Variants in TMEM229B observed in about 807,000 individuals in gnomAD.
The protein encoded by TMEM229B is chromosome 14 open reading frame 83.
TMEM229B carries 6 observed loss-of-function variants against 13.7 expected under a neutral mutation model. The observed-to-expected ratio is 0.44, with a 90% CI of 0.24 to 0.86. The LOEUF (loss-of-function observed/expected upper bound fraction) is 0.86. TMEM229B is among the 40% of genes least tolerant of loss of function. The probability of loss-of-function intolerance (pLI) is 0.23; values close to 1 mark genes in which losing one functional copy is unlikely to be tolerated. For synonymous variants in TMEM229B, 107 were observed against 102.1 expected, an observed-to-expected ratio of 1.05 and a Z score of -0.29; for missense variants, 170 against 236.0, an observed-to-expected ratio of 0.72 and a Z score of 1.83.
intron 1 of TMEM229B, among the ~76,000 whole-genome samples, chr14:67,529,244 G>C (rs116720916): frequency 0.03 from 4,507 of 152,122 alleles, 216 homozygotes; most frequent in African/African-American, 0.1. Flanking sequence ...GCTCTCTCTG[G>C]CTCCCATACC....
chr14:67,513,204 G>C (rs1165869487), intron 1 of TMEM229B, among the ~76,000 whole-genome samples: 1 of 152,198 alleles, frequency 6.6e-6, no homozygotes, highest in Non-Finnish European at 1.5e-5. Context: ...GAGGCTCGGA[G>C]GTCAGGCCTC....
In TMEM229B at chr14:67,533,413, C is replaced by G. The variant is rs985828717; in HGVS notation, c.-192+223G>C. Reference sequence around the variant, plus strand: ...GCTCGCTGGAGGTGAGCGACCCGCGCTCCCGCCGCTGTGGTGGGCTGGGGC... The same window carrying G: ...GCTCGCTGGAGGTGAGCGACCCGCGGTCCCGCCGCTGTGGTGGGCTGGGGC... On this transcript the variant is annotated intron_variant, in intron 1 of 2. Coordinates refer to the TMEM229B transcript ENST00000554278. The G allele has an allele frequency of 1.3e-4, 19 of 151,806 alleles. 1 individual carries two copies. The highest frequency in any genetic ancestry group is 3.6e-4 in the African/African-American group (15 of 41,468). The allele number at this position is 151,806 out of a possible 1,614,324, so 9.4% of individuals were successfully genotyped here.
upstream of TMEM229B, among the ~76,000 whole-genome samples, chr14:67,492,578 G>A (rs1329872412): frequency 6.6e-6 from 1 of 152,178 alleles, no homozygotes; most frequent in Non-Finnish European, 1.5e-5. Context: ...AAGTGATGGG[G>A]ACCCTGCCCC....
chr14:67,482,801 C>G (rs923461681), intron 2 of TMEM229B, among the ~76,000 whole-genome samples: 14 of 152,254 alleles, frequency 9.2e-5, no homozygotes, highest in African/African-American at 2.6e-4. Flanking sequence ...CTGCAGACTT[C>G]CACCCTCTTG....
intron 1 of TMEM229B, among the ~76,000 whole-genome samples, 178 bp from the exon 2 acceptor site, chr14:67,487,350 A>T (rs1319798152): frequency 6.6e-6 from 1 of 152,210 alleles, no homozygotes; most frequent in Non-Finnish European, 1.5e-5. Flanking sequence ...AGGTCTGATT[A>T]ATCCAGCCAC....
chr14:67,482,656 A>G (rs2031653051), intron 2 of TMEM229B, among the ~76,000 whole-genome samples: 1 of 152,204 alleles, frequency 6.6e-6, no homozygotes, highest in African/African-American at 2.4e-5. Flanking sequence ...AAGTGGCTTC[A>G]ATGAGGAAAG....
chr14:67,509,118 A>C (rs1344724673), intron 1 of TMEM229B, among the ~76,000 whole-genome samples: 5 of 152,144 alleles, frequency 3.3e-5, no homozygotes, highest in African/African-American at 7.2e-5. Flanking sequence ...TTGGTTTCAA[A>C]ATGAAATGGG....
At chr14:67,480,932 G>A (rs2031548048) in intron 2 of TMEM229B, among the ~76,000 whole-genome samples, 1 of 152,176 alleles carries the variant, frequency 6.6e-6, no homozygotes, top group East Asian at 1.9e-4. Flanking sequence ...AAAACCCTTG[G>A]AGCAGAAGCA....
intron 1 of TMEM229B, among the ~76,000 whole-genome samples, chr14:67,511,996 G>A (rs1397928264): frequency 6.6e-6 from 1 of 152,230 alleles, no homozygotes; most frequent in Non-Finnish European, 1.5e-5. Context: ...ACAGCTCAAA[G>A]TCTGAGGCAA....
chr14:67,484,676 C>A (rs538982120), intron 2 of TMEM229B, among the ~76,000 whole-genome samples: 1 of 152,224 alleles, frequency 6.6e-6, no homozygotes, highest in South Asian at 2.1e-4. Context: ...GTAATCCCAG[C>A]ATTTTGGGAG....
Position 67,473,339 on chromosome 14 carries a change from T to C in TMEM229B, c.*81A>G. On this transcript the variant is annotated 3_prime_UTR_variant, in exon 3 of 3. Coordinates refer to ENST00000554480, the MANE Select transcript of TMEM229B (RefSeq NM_001348543.2). The surrounding 1 kb of genome is among the most constrained non-coding windows in gnomAD (Gnocchi z 6.5). ...TGGCCGGAGCAGGGCTTTTGCTGCATGGATGGGGCAACCTCACCAGCTTGG... is the reference window on the plus strand; with the variant it reads ...TGGCCGGAGCAGGGCTTTTGCTGCACGGATGGGGCAACCTCACCAGCTTGG... The C allele has an allele frequency of 6.5e-7, 1 of 1,549,686 alleles. No individual in the cohort carries two copies. The highest frequency in any genetic ancestry group is 2.2e-5 in the East Asian group (1 of 44,464).
rs995589299 is a variant in TMEM229B at position 67,487,134 on chromosome 14, C to T, written c.-153G>A. 6.6e-6 allele frequency: 1 copy of T among 152,280 alleles called. No homozygotes were observed. The highest frequency in any genetic ancestry group is 1.5e-5 in the Non-Finnish European group (1 of 68,110). 9.4% of individuals were successfully genotyped at this position (152,280 alleles called of 1,614,324 possible). A position where few individuals can be genotyped will look rare whatever the true frequency, so the allele number is the denominator to read the frequency against. ...GGCAAGCATCAGCCCTAGGGCTCAG[C>T]TGATCCTTGGCTGGGGGGCTGGCAG... On this transcript the variant is annotated 5_prime_UTR_variant, in exon 2 of 3. Transcript: ENST00000554480.
At chr14:67,495,982 C>G (rs2032349482) in intron 1 of TMEM229B, among the ~76,000 whole-genome samples, 1 of 152,224 alleles carries the variant, frequency 6.6e-6, no homozygotes, top group African/African-American at 2.4e-5. Flanking sequence ...CAGGCACAGC[C>G]TCCTCCTCAG....
In TMEM229B at chr14:67,473,636, G is replaced by A; in HGVS notation, c.288C>T (p.Arg96=). 6.3e-7 allele frequency: 1 copy of A among 1,584,550 alleles called. No homozygotes were observed. The highest frequency in any genetic ancestry group is 1.1e-5 in the South Asian group (1 of 87,618). The part of the protein sequence containing the change: ...LWEFTTGFIL[R]QFNACPWDYS... ...AGTCCCAGGGGCAGGCGTTGAACTG[G>A]CGCAGGATGAAGCCGGTGGTGAACT... The change falls in exon 3 of 3, where the codon CGC becomes CGT. Residue 96 remains arginine (R), a synonymous_variant. Transcript: ENST00000554480. This position sits in a 1 kb window ranked among gnomAD's most constrained non-coding sequence, Gnocchi z 6.5.
intron 2 of TMEM229B, among the ~76,000 whole-genome samples, chr14:67,475,961 G>A (rs1566671718): frequency 6.6e-6 from 1 of 152,250 alleles, no homozygotes; most frequent in East Asian, 1.9e-4. Flanking sequence ...CTTGACGCAG[G>A]CCCGTCCTGG....
intron 2 of TMEM229B, among the ~76,000 whole-genome samples, chr14:67,486,568 C>T (rs771912164): frequency 2.6e-5 from 4 of 152,166 alleles, no homozygotes; most frequent in African/African-American, 7.2e-5. Context: ...CCACAGTGCC[C>T]GGCTGATCTG....
intron 1 of TMEM229B, among the ~76,000 whole-genome samples, chr14:67,494,731 G>C (rs549264976): frequency 6.6e-6 from 1 of 152,306 alleles, no homozygotes; most frequent in African/African-American, 2.4e-5. Context: ...GTGACCTGAA[G>C]ACCCCAAGAT....
At chr14:67,474,466 A>G (rs1035665105) in intron 2 of TMEM229B, among the ~76,000 whole-genome samples, 3 of 152,286 alleles carry the variant, frequency 2.0e-5, no homozygotes, top group African/African-American at 7.2e-5. Flanking sequence ...CAGCAGGCCT[A>G]TCCACTGGGG....
intron 1 of TMEM229B, among the ~76,000 whole-genome samples, chr14:67,529,813 G>T (rs933659629): frequency 6.6e-6 from 1 of 152,320 alleles, no homozygotes; most frequent in Non-Finnish European, 1.5e-5. Flanking sequence ...ACCCAAGGCA[G>T]AGAGCAGAAG....
Sources: allele counts gnomAD v4.1 joint callset (sites outside exome capture counted in the v4.1 genomes callset), GRCh38; gene constraint gnomAD v4.1.1; non-coding constraint Gnocchi (gnomAD v3.1); transcripts MANE v1.5; gene names NCBI Gene and HGNC (gene_info 2026-07-23, HGNC 2026-07-21).